The following CREB5 variants were observed in gnomAD, a reference collection of about 807,000 sequenced individuals.
CREB5 encodes cAMP responsive element binding protein 5.
In CREB5, 19 loss-of-function variants were observed where a neutral mutation model predicts 57.1. That is an observed-to-expected ratio of 0.33 (90% CI 0.23 to 0.49). The LOEUF is 0.49. CREB5 is among the 20% of genes least tolerant of loss of function. The pLI is 0.99. For synonymous variants in CREB5, 238 were observed against 238.3 expected (o/e 1.00, Z 0.01); for missense variants, 579 against 671.6 (o/e 0.86, Z 1.52).
intron 5 of CREB5, among the ~76,000 whole-genome samples, chr7:28,639,114 A>G (rs1016791879): frequency 3.3e-5 from 5 of 152,224 alleles, no homozygotes; most frequent in African/African-American, 7.2e-5. Context: ...TAGTTCCTCT[A>G]GACTATTTGA....
chr7:28,653,216 C>T (rs1379159404), intron 5 of CREB5, among the ~76,000 whole-genome samples: 1 of 152,110 alleles, frequency 6.6e-6, no homozygotes, highest in Non-Finnish European at 1.5e-5. Context: ...TTATAGCTAC[C>T]ATTTGAAAAA....
At chr7:28,781,744 C>T (rs1806984519) in intron 7 of CREB5, among the ~76,000 whole-genome samples, 2 of 150,918 alleles carry the variant, frequency 1.3e-5, no homozygotes, top group South Asian at 4.2e-4. Flanking sequence ...CCCTATCAAT[C>T]AAATAGTCTA....
chr7:28,794,501 A>G (rs182134986), intron 7 of CREB5, among the ~76,000 whole-genome samples: 1 of 152,226 alleles, frequency 6.6e-6, no homozygotes, highest in African/African-American at 2.4e-5. Flanking sequence ...GGAAACTAGC[A>G]TATAATATTT....
At chr7:28,397,937 T>C (rs895265820) in intron 1 of CREB5, among the ~76,000 whole-genome samples, 2 of 152,210 alleles carry the variant, frequency 1.3e-5, no homozygotes, top group African/African-American at 4.8e-5. Flanking sequence ...TTTTTTATTA[T>C]GTAAAATATA....
intron 1 of CREB5, among the ~76,000 whole-genome samples, chr7:28,302,913 C>T (rs951759385): frequency 2.0e-5 from 3 of 152,124 alleles, no homozygotes; most frequent in South Asian, 2.1e-4. Context: ...AAAAGCAATG[C>T]TGTTCACAGA....
intron 7 of CREB5, among the ~76,000 whole-genome samples, chr7:28,782,344 T>C (rs975214130): frequency 1.4e-5 from 2 of 147,386 alleles, no homozygotes; most frequent in Admixed American, 1.3e-4. Flanking sequence ...ATATTTAAAA[T>C]CTTATTTTGA....
chr7:28,424,024 G>T (rs1195051890), intron 1 of CREB5, among the ~76,000 whole-genome samples: 1 of 152,166 alleles, frequency 6.6e-6, no homozygotes, highest in Non-Finnish European at 1.5e-5. Context: ...GGCAGGGTTG[G>T]TTCCTTCCCA....
At chr7:28,360,026 A>C (rs191541844) in intron 1 of CREB5, among the ~76,000 whole-genome samples, 1 of 152,362 alleles carries the variant, frequency 6.6e-6, no homozygotes, top group Admixed American at 6.5e-5. Flanking sequence ...ACCATGAGGT[A>C]TCATCTCATA....
In CREB5 at chr7:28,824,606, A is replaced by T. The variant is rs1163505929; in HGVS notation, c.*5327A>T. On this transcript the variant is annotated 3_prime_UTR_variant, in exon 11 of 11. Coordinates refer to ENST00000357727, the MANE Select transcript of CREB5 (RefSeq NM_182898.4). ...TACCAAAACAAACACAAAGAAATTT[A>T]AAAAACAAAAAACCTAGCTCATCAT... is the stretch of plus-strand genomic sequence containing the variant. 6.6e-6 allele frequency: 1 copy of T among 152,670 alleles called. No homozygotes were observed. Among genetic ancestry groups the T allele is most frequent in the Non-Finnish European group, 1.5e-5 (1 of 68,040 alleles). 9.5% of individuals were successfully genotyped at this position (152,670 alleles called of 1,614,324 possible).
At chr7:28,582,828 G>A (rs945232982) in intron 5 of CREB5, among the ~76,000 whole-genome samples, 4 of 152,180 alleles carry the variant, frequency 2.6e-5, no homozygotes, top group Non-Finnish European at 5.9e-5. Context: ...GAAGAGGGCA[G>A]AACACAGGCT....
chr7:28,623,424 A>T (rs898890933), intron 5 of CREB5, among the ~76,000 whole-genome samples: 3 of 152,216 alleles, frequency 2.0e-5, no homozygotes, highest in African/African-American at 7.2e-5. Context: ...AGCTTTATAG[A>T]TCAAACTGCA....
intron 1 of CREB5, among the ~76,000 whole-genome samples, chr7:28,371,711 TG>T (rs1786709121): frequency 1.3e-5 from 2 of 152,064 alleles, no homozygotes; most frequent in African/African-American, 4.8e-5. Context: ...CAGATGGAGT[TG>T]GAAGTCCCGC....
intron 9 of CREB5, among the ~76,000 whole-genome samples, chr7:28,809,966 G>A (rs2128804957): frequency 6.6e-6 from 1 of 152,262 alleles, no homozygotes; most frequent in Middle Eastern, 3.4e-3. Flanking sequence ...AAGGTTGATG[G>A]TCATTATGTA....
At chr7:28,559,406 C>T (rs947424406) in intron 4 of CREB5, among the ~76,000 whole-genome samples, 1 of 152,154 alleles carries the variant, frequency 6.6e-6, no homozygotes, top group South Asian at 2.1e-4. Flanking sequence ...CCTCTGCCTC[C>T]CAGGTTTAAG....
intron 4 of CREB5, among the ~76,000 whole-genome samples, chr7:28,568,481 C>G (rs1257367534): frequency 6.6e-6 from 1 of 152,130 alleles, no homozygotes; most frequent in Non-Finnish European, 1.5e-5. Flanking sequence ...AGAAATAACA[C>G]AAATCATTTT....
chr7:28,439,033 G>A (rs746438222), intron 1 of CREB5, among the ~76,000 whole-genome samples: 6 of 152,132 alleles, frequency 3.9e-5, no homozygotes, highest in Non-Finnish European at 8.8e-5. Flanking sequence ...TGTCCACTCT[G>A]TTGTCCTTGA....
chr7:28,610,616 A>G (rs1797346227), intron 5 of CREB5, among the ~76,000 whole-genome samples: 1 of 152,152 alleles, frequency 6.6e-6, no homozygotes, highest in African/African-American at 2.4e-5. Flanking sequence ...TCTTCAAATG[A>G]AAAATGGATG....
chr7:28,453,599 G>A (rs1789941025), intron 1 of CREB5, among the ~76,000 whole-genome samples: 1 of 152,196 alleles, frequency 6.6e-6, no homozygotes, highest in Non-Finnish European at 1.5e-5. Context: ...GGCGTGTCTT[G>A]CTTATGACAA....
At chr7:28,365,238 C>T (rs1357064061) in intron 1 of CREB5, among the ~76,000 whole-genome samples, 1 of 152,126 alleles carries the variant, frequency 6.6e-6, no homozygotes, top group Non-Finnish European at 1.5e-5. Flanking sequence ...ATGGCCAATT[C>T]CTTACCCCTA....
Sources: gnomAD v4.1 joint callset for allele counts (sites outside exome capture counted in the v4.1 genomes callset) on GRCh38, gnomAD v4.1.1 for gene constraint, MANE v1.5 for transcripts, NCBI Gene and HGNC (gene_info 2026-07-23, HGNC 2026-07-21) for gene names.